CATSPERB: variants seen among roughly 807,000 people sequenced by gnomAD.
CATSPERB encodes the protein cation channel sperm-associated auxiliary subunit beta.
In CATSPERB, 93 loss-of-function variants were observed where a neutral mutation model predicts 128.3. The observed-to-expected ratio is 0.72, with a 90% CI of 0.61 to 0.86. CATSPERB has a LOEUF of 0.86. CATSPERB is among the 40% of genes least tolerant of loss of function. The pLI, the probability that CATSPERB is intolerant of heterozygous loss-of-function variation, is 0.00. For missense variants in CATSPERB, 1,153 were observed against 1,329.5 expected (o/e 0.87, Z 2.06); for synonymous variants, 381 against 448.8 (o/e 0.85, Z 1.91).
chr14:91,692,924 T>C (rs984088830), intron 9 of CATSPERB, among the ~76,000 whole-genome samples: 2 of 152,218 alleles, frequency 1.3e-5, no homozygotes, highest in South Asian at 2.1e-4. Flanking sequence ...TGTAGAGCAA[T>C]ACAACTAGCA....
At chr14:91,657,266 T>C (rs901498654) in intron 15 of CATSPERB, among the ~76,000 whole-genome samples, 8 of 152,036 alleles carry the variant, frequency 5.3e-5, no homozygotes, top group African/African-American at 1.4e-4. Context: ...CTGAAATAAA[T>C]AGAACATATG....
chr14:91,592,152 A>G lies in CATSPERB; in HGVS notation c.2710-150T>C, dbSNP rs187808871. On this transcript the variant is annotated intron_variant, in intron 22 of 26. Coordinates refer to ENST00000256343, the MANE Select transcript of CATSPERB (RefSeq NM_024764.4). ...AGCAATTCATTAATAATAAAGTAAG[A>G]ATAGAAGTACAGTATTTCTGAATTT... The G allele has an allele frequency of 8.1e-5, 53 of 652,450 alleles. No homozygotes were observed. The Admixed American group carries it at 1.4e-3, about 17-fold the overall frequency. 40.4% of individuals were successfully genotyped at this position (652,450 alleles called of 1,614,324 possible). A position where few individuals can be genotyped will look rare whatever the true frequency, so the allele number is the denominator to read the frequency against.
chr14:91,657,307 A>G (rs1462098843), intron 15 of CATSPERB, among the ~76,000 whole-genome samples: 1 of 152,202 alleles, frequency 6.6e-6, no homozygotes, highest in Non-Finnish European at 1.5e-5. Flanking sequence ...TGCAGAAGAT[A>G]TCCATGTGCA....
chr14:91,692,313 C>T (rs2139845532), intron 9 of CATSPERB, among the ~76,000 whole-genome samples: 1 of 152,190 alleles, frequency 6.6e-6, no homozygotes, highest in South Asian at 2.1e-4. Context: ...CAGAGCAGTC[C>T]AGAGGTCAGG....
chr14:91,715,552 CAAAAA>C (rs57554614), intron 5 of CATSPERB, among the ~76,000 whole-genome samples: 1 of 45,636 alleles, frequency 2.2e-5, no homozygotes, highest in Admixed American at 2.3e-4. Context: ...GACTCCATCT[CAAAAA>C]AAAAAAAAAA....
intron 4 of CATSPERB, among the ~76,000 whole-genome samples, chr14:91,722,070 T>G (rs1390591659): frequency 6.6e-6 from 1 of 152,056 alleles, no homozygotes; most frequent in Non-Finnish European, 1.5e-5. Flanking sequence ...GAAATTGGAA[T>G]TCTAACAAGC....
Position 91,723,086 on chromosome 14 carries a change from C to T in CATSPERB, c.272G>A (p.Ser91Asn), listed in dbSNP as rs1222346728. The T allele has an allele frequency of 1.3e-6, 2 of 1,541,998 alleles. No homozygotes were observed. The highest frequency in any genetic ancestry group is 1.3e-5 in the South Asian group (1 of 76,880). Residue 91 changes from serine to asparagine, a missense_variant, in exon 4 of 27, where the codon AGT becomes AAT. Transcript: ENST00000256343. ...AAAGTGGAAGATGCCATTATATGTACTATTCATGATTCCCAAGCTGGGAGC... is the reference window on the plus strand; with the variant it reads ...AAAGTGGAAGATGCCATTATATGTATTATTCATGATTCCCAAGCTGGGAGC... ...GLAPSLGIMN[S>N]TYNGIFHFNL... is the part of the protein sequence containing the mutation.
Position 91,729,460 on chromosome 14 carries a change from T to TATA in CATSPERB, c.17_19dup (p.Ile6_Tyr7insLeu), listed in dbSNP as rs746828122. On this transcript the variant is annotated inframe_insertion, in exon 2 of 27. Transcript: ENST00000256343. ...TATGTTCAAAAGCAAAACTGAAACA[T>TATA]ATATAAGTGGCGATTCCATCTGTTG... The TATA allele has an allele frequency of 6.5e-7, 1 of 1,533,284 alleles. No individual in the cohort carries two copies. Among genetic ancestry groups the TATA allele is most frequent in the Admixed American group, 1.8e-5 (1 of 56,732 alleles). The allele number at this position is 1,533,284 out of a possible 1,614,324, so 95.0% of individuals were successfully genotyped here. A position where few individuals can be genotyped will look rare whatever the true frequency, so the allele number is the denominator to read the frequency against.
chr14:91,710,988 T>C (rs1510220), intron 5 of CATSPERB, among the ~76,000 whole-genome samples: 149,562 of 152,260 alleles, frequency 0.98, 73,506 homozygotes, highest in Middle Eastern at 1. Context: ...CCATTCTGGA[T>C]GTAGCATATA....
intron 7 of CATSPERB, among the ~76,000 whole-genome samples, chr14:91,697,751 T>C (rs976186718): frequency 5.9e-5 from 9 of 152,226 alleles, no homozygotes; most frequent in Middle Eastern, 3.2e-3. Context: ...TCTGGTTTTG[T>C]ACCAGTGCCA....
chr14:91,631,165 T>A (rs1360071784), intron 17 of CATSPERB, among the ~76,000 whole-genome samples: 1 of 152,226 alleles, frequency 6.6e-6, no homozygotes, highest in Non-Finnish European at 1.5e-5. Context: ...TTTATTAGAA[T>A]GTCATCTCCA....
chr14:91,627,607 G>C (rs1284749907), intron 17 of CATSPERB, among the ~76,000 whole-genome samples: 1 of 152,158 alleles, frequency 6.6e-6, no homozygotes, highest in Non-Finnish European at 1.5e-5. Flanking sequence ...TAAATAAATG[G>C]AGGGAACTAA....
chr14:91,598,789 TGGAGCTTG>T (rs1392647947), intron 22 of CATSPERB, among the ~76,000 whole-genome samples: 3 of 132,788 alleles, frequency 2.3e-5, no homozygotes, highest in Non-Finnish European at 3.1e-5. Context: ...ACCTGGGAGG[TGGAGCTTG>T]CAGTGAGCCG....
chr14:91,584,348 C>T (rs1015682883), intron 26 of CATSPERB, among the ~76,000 whole-genome samples: 10 of 152,238 alleles, frequency 6.6e-5, no homozygotes, highest in Middle Eastern at 3.4e-3. Flanking sequence ...GGATTACAGG[C>T]ATGAGCCACC....
At chr14:91,598,848 ACT>A (rs1319529677) in intron 22 of CATSPERB, among the ~76,000 whole-genome samples, 1 of 97,166 alleles carries the variant, frequency 1.0e-5, no homozygotes, top group Non-Finnish European at 1.9e-5. Flanking sequence ...ACAGAGCAAG[ACT>A]CTGTCTCAAA....
At chr14:91,679,412 T>A (rs909639752) in intron 11 of CATSPERB, among the ~76,000 whole-genome samples, 1 of 152,194 alleles carries the variant, frequency 6.6e-6, no homozygotes, top group Admixed American at 6.6e-5. Flanking sequence ...AGAGATAATA[T>A]AGGACAAGAT....
intron 21 of CATSPERB, 51 bp from the exon 22 acceptor site, chr14:91,608,455 T>TA: frequency 9.4e-7 from 1 of 1,069,324 alleles, no homozygotes; most frequent in Non-Finnish European, 1.4e-6. Flanking sequence ...ATGAAGTCTT[T>TA]AATTTATAGA....
chr14:91,602,193 C>T (rs907888510), intron 22 of CATSPERB, among the ~76,000 whole-genome samples: 1 of 152,206 alleles, frequency 6.6e-6, no homozygotes. Context: ...TATTGCTTAG[C>T]TTGGTATTTT....
In CATSPERB at chr14:91,641,694, TC is replaced by T. The variant is rs1160313173; in HGVS notation, c.1433-2445del. Reference sequence around the variant, plus strand: ...TTAGGATTGACTTGGCAATGCGGGCTCTTTTTTGGTTCCATATGAACTTTAA... The same window carrying T: ...TTAGGATTGACTTGGCAATGCGGGCTTTTTTTGGTTCCATATGAACTTTAA... On this transcript the variant is annotated intron_variant, in intron 15 of 26. Transcript: ENST00000256343. 3.4e-5 allele frequency among the ~76,000 whole-genome samples: 4 copies of T among 119,290 alleles called. No homozygotes were observed. The Admixed American group carries it at 3.6e-4, about 11-fold the overall frequency. 78.3% of individuals were successfully genotyped at this position (119,290 alleles called of 152,430 possible).
Sources: gnomAD v4.1 joint callset for allele counts (sites outside exome capture counted in the v4.1 genomes callset) on GRCh38, gnomAD v4.1.1 for gene constraint, MANE v1.5 for transcripts, NCBI Gene and HGNC (gene_info 2026-07-23, HGNC 2026-07-21) for gene names.